AOAH: variants seen among roughly 807,000 people sequenced by gnomAD.
The protein encoded by AOAH is acyloxyacyl hydrolase.
In AOAH, 64 loss-of-function variants were observed where a neutral mutation model predicts 92.2. That is an observed-to-expected ratio of 0.69 (90% CI 0.57 to 0.86). AOAH has a LOEUF of 0.86. Among genes scored for constraint, AOAH ranks in the 40% least tolerant of loss-of-function variants. AOAH has a pLI of 0.00. For missense variants in AOAH, 656 were observed against 694.6 expected, an observed-to-expected ratio of 0.94 and a Z score of 0.62; for synonymous variants, 263 against 254.5, an observed-to-expected ratio of 1.03 and a Z score of -0.32.
chr7:36,719,316 T>G (rs191032205), intron 1 of AOAH, among the ~76,000 whole-genome samples: 1 of 152,290 alleles, frequency 6.6e-6, no homozygotes, highest in Non-Finnish European at 1.5e-5. Context: ...ATCACTCCAA[T>G]TAGTCCACAT....
chr7:36,647,327 A>T (rs933431278), intron 4 of AOAH, among the ~76,000 whole-genome samples: 28 of 152,218 alleles, frequency 1.8e-4, no homozygotes, highest in Non-Finnish European at 3.8e-4. Flanking sequence ...TAATTAAGTG[A>T]AGATGAGGGC....
rs1207772266 is a variant in AOAH at position 36,673,874 on chromosome 7, C to T, written c.290+69G>A. ...ATCATGCTGAACACAGAGCCTCCCA[C>T]CTCCCAGTTTTCTTGTTCCTCCCAT... On this transcript the variant is annotated intron_variant, in intron 3 of 20. Coordinates refer to ENST00000617537, the MANE Select transcript of AOAH (RefSeq NM_001637.4). 5 of 1,101,842 alleles carry T rather than the reference C, an allele frequency of 4.5e-6. No individual in the cohort carries two copies. In the Admixed American group the frequency reaches 5.8e-5, roughly 13 times the overall value. 68.3% of individuals were successfully genotyped at this position (1,101,842 alleles called of 1,614,324 possible).
intron 16 of AOAH, among the ~76,000 whole-genome samples, chr7:36,536,341 T>G (rs1785056889): frequency 6.6e-6 from 1 of 152,178 alleles, no homozygotes; most frequent in Non-Finnish European, 1.5e-5. Context: ...TCACCACATT[T>G]CTAGGCCCAA....
At chr7:36,561,476 C>T (rs1451871261) in intron 13 of AOAH, among the ~76,000 whole-genome samples, 2 of 152,162 alleles carry the variant, frequency 1.3e-5, no homozygotes, top group African/African-American at 4.8e-5. Flanking sequence ...ACAAGGGCTC[C>T]AGTCTTTCTG....
At chr7:36,550,969 A>T (rs926963675) in intron 13 of AOAH, among the ~76,000 whole-genome samples, 3 of 152,192 alleles carry the variant, frequency 2.0e-5, no homozygotes, top group African/African-American at 7.2e-5. Context: ...GGCAAGCTGT[A>T]CAGGCAGCAC....
At chr7:36,698,757 G>A (rs1359892844) in intron 1 of AOAH, among the ~76,000 whole-genome samples, 2 of 152,104 alleles carry the variant, frequency 1.3e-5, no homozygotes, top group African/African-American at 2.4e-5. Flanking sequence ...AGATAAATCA[G>A]TGTAATTGGG....
At chr7:36,534,923 T>A (rs1237040757) in intron 16 of AOAH, among the ~76,000 whole-genome samples, 1 of 150,374 alleles carries the variant, frequency 6.7e-6, no homozygotes, top group African/African-American at 2.5e-5. Flanking sequence ...TCTGTCTGTC[T>A]GTGTTTTTGT....
intron 13 of AOAH, among the ~76,000 whole-genome samples, chr7:36,558,082 A>T (rs867819451): frequency 6.6e-6 from 1 of 152,014 alleles, no homozygotes; most frequent in Non-Finnish European, 1.5e-5. Context: ...AGTTTCCAGT[A>T]TTTCTGCTCT....
intron 19 of AOAH, among the ~76,000 whole-genome samples, chr7:36,525,878 G>C (rs1784372990): frequency 6.6e-6 from 1 of 152,300 alleles, no homozygotes. Flanking sequence ...TTCCCTTGGA[G>C]ACTTGAGCAA....
intron 6 of AOAH, among the ~76,000 whole-genome samples, chr7:36,625,470 A>G (rs1417499304): frequency 6.6e-6 from 1 of 152,170 alleles, no homozygotes; most frequent in East Asian, 1.9e-4. Flanking sequence ...AAAAGCCCCC[A>G]GTATTGGTCC....
intron 2 of AOAH, among the ~76,000 whole-genome samples, chr7:36,681,394 T>C (rs1407469577): frequency 2.0e-5 from 3 of 152,054 alleles, no homozygotes. Flanking sequence ...GATCTTAAAA[T>C]CATGTTGCGT....
intron 6 of AOAH, among the ~76,000 whole-genome samples, chr7:36,626,368 T>A (rs1792664361): frequency 6.6e-6 from 1 of 152,168 alleles, no homozygotes; most frequent in South Asian, 2.1e-4. Context: ...GTCTTTAAGA[T>A]TGGAAAGCTG....
At chr7:36,713,429 A>G (rs967239694) in intron 1 of AOAH, among the ~76,000 whole-genome samples, 13 of 152,158 alleles carry the variant, frequency 8.5e-5, no homozygotes, top group African/African-American at 3.1e-4. Flanking sequence ...CGAGACAGAA[A>G]GTTAACAAGG....
intron 13 of AOAH, among the ~76,000 whole-genome samples, chr7:36,556,380 T>TG (rs1331477206): frequency 6.6e-6 from 1 of 152,142 alleles, no homozygotes; most frequent in African/African-American, 2.4e-5. Flanking sequence ...CTTTTCCATT[T>TG]GCTGAGGAGA....
chr7:36,524,502 TAA>T (rs11309945), intron 19 of AOAH, among the ~76,000 whole-genome samples: 155 of 136,608 alleles, frequency 1.1e-3, no homozygotes, highest in African/African-American at 2.1e-3. Context: ...AAAGAAAACC[TAA>T]AAAAAAAAAA....
chr7:36,633,597 G>A (rs934615141), intron 5 of AOAH, among the ~76,000 whole-genome samples: 3 of 152,150 alleles, frequency 2.0e-5, no homozygotes, highest in Non-Finnish European at 4.4e-5. Context: ...AGGGAGAATC[G>A]GAATGGCAGA....
chr7:36,571,429 TC>T (rs1788142199), intron 13 of AOAH, among the ~76,000 whole-genome samples: 1 of 152,174 alleles, frequency 6.6e-6, no homozygotes, highest in Non-Finnish European at 1.5e-5. Context: ...TCCAGCCCCT[TC>T]CAATCCTTAG....
chr7:36,588,340 C>T (rs1016031720), intron 12 of AOAH, among the ~76,000 whole-genome samples: 14 of 152,206 alleles, frequency 9.2e-5, no homozygotes, highest in Non-Finnish European at 1.3e-4. Flanking sequence ...TTGTGGACCC[C>T]CTGAGAGGGT....
intron 1 of AOAH, among the ~76,000 whole-genome samples, chr7:36,723,257 C>T (rs961949003): frequency 6.6e-6 from 1 of 152,070 alleles, no homozygotes. Context: ...CTAAATGCCA[C>T]CACTATTATG....
Sources: allele counts gnomAD v4.1 joint callset (sites outside exome capture counted in the v4.1 genomes callset), GRCh38; gene constraint gnomAD v4.1.1; transcripts MANE v1.5; gene names NCBI Gene and HGNC (gene_info 2026-07-23, HGNC 2026-07-21).